PDE10A: variants seen among roughly 807,000 people sequenced by gnomAD.
The protein encoded by PDE10A is phosphodiesterase 10A.
In PDE10A, 39 loss-of-function variants were observed where a neutral mutation model predicts 97.7. The ratio of observed to expected loss-of-function variants is 0.40; its 90% CI spans 0.31 to 0.52. The LOEUF is 0.52. Among genes scored for constraint, PDE10A ranks in the 20% least tolerant of loss-of-function variants. The pLI is 0.56. For synonymous variants in PDE10A, 371 were observed against 376.8 expected, an observed-to-expected ratio of 0.98 and a Z score of 0.18; for missense variants, 731 against 1,047.8, an observed-to-expected ratio of 0.70 and a Z score of 4.17.
chr6:165,497,198 GT>G (rs1780590368), intron 2 of PDE10A, among the ~76,000 whole-genome samples: 1 of 152,054 alleles, frequency 6.6e-6, no homozygotes. Flanking sequence ...ATAACTTGTT[GT>G]AATCACATTT....
intron 1 of PDE10A, chr6:165,659,949 C>G (rs1430950922): frequency 6.6e-6 from 1 of 152,534 alleles, no homozygotes; most frequent in Non-Finnish European, 1.5e-5. Flanking sequence ...ATTTCAGGAC[C>G]GCGGGCTTTT....
intron 1 of PDE10A, among the ~76,000 whole-genome samples, chr6:165,847,375 T>C (rs1050733177): frequency 1.3e-5 from 2 of 152,204 alleles, no homozygotes; most frequent in African/African-American, 4.8e-5. Context: ...GGCTTCTGAT[T>C]TATTAGCTAC....
chr6:165,549,535 G>A (rs571920527), intron 1 of PDE10A, among the ~76,000 whole-genome samples: 3 of 152,032 alleles, frequency 2.0e-5, no homozygotes, highest in Non-Finnish European at 4.4e-5. Context: ...CGTCTTAGCC[G>A]GGATGGTCTC....
At chr6:165,676,981 G>A (rs1479631060) in intron 1 of PDE10A, among the ~76,000 whole-genome samples, 3 of 152,178 alleles carry the variant, frequency 2.0e-5, no homozygotes, top group Admixed American at 6.5e-5. Context: ...TTCTGATAAC[G>A]ACTTTCCAAG....
At chr6:165,525,835 T>C (rs1416824860) in intron 2 of PDE10A, among the ~76,000 whole-genome samples, 3 of 150,710 alleles carry the variant, frequency 2.0e-5, no homozygotes, top group East Asian at 2.0e-4. Context: ...AGCTCTGGCA[T>C]TGGCTAACTA....
chr6:165,770,560 C>CCCCAG (rs1777976877), intron 1 of PDE10A, among the ~76,000 whole-genome samples: 1 of 152,176 alleles, frequency 6.6e-6, no homozygotes, highest in African/African-American at 2.4e-5. Flanking sequence ...TGACATTCCA[C>CCCCAG]CCCAGAAGCA....
At chr6:165,467,046 G>A (rs1361625048) in intron 3 of PDE10A, among the ~76,000 whole-genome samples, 2 of 152,178 alleles carry the variant, frequency 1.3e-5, no homozygotes, top group African/African-American at 2.4e-5. Context: ...TGTCTGGATA[G>A]AAGATCAAAC....
At chr6:165,779,001 A>G (rs529912184) in intron 1 of PDE10A, among the ~76,000 whole-genome samples, 1 of 152,330 alleles carries the variant, frequency 6.6e-6, no homozygotes, top group East Asian at 1.9e-4. Context: ...CTATTATTTA[A>G]TGAGCAGAAG....
At chr6:165,664,323 C>G (rs1008028196), upstream of PDE10A, among the ~76,000 whole-genome samples, 6 of 152,150 alleles carry the variant, frequency 3.9e-5, no homozygotes, top group African/African-American at 1.4e-4. Flanking sequence ...AGATTCCTCA[C>G]TAGTCGATGC....
chr6:165,750,983 C>T (rs1028841177), intron 1 of PDE10A, among the ~76,000 whole-genome samples: 1 of 152,158 alleles, frequency 6.6e-6, no homozygotes, highest in Non-Finnish European at 1.5e-5. Context: ...AAATATGACC[C>T]CTAGTGTGCC....
chr6:165,639,461 G>C (rs35987229), intron 1 of PDE10A, among the ~76,000 whole-genome samples: 49,641 of 151,974 alleles, frequency 0.33, 9,173 homozygotes, highest in East Asian at 0.65. Flanking sequence ...GAGAGGGCAG[G>C]ATGCAGTGGC....
chr6:165,479,709 G>A (rs562370411), intron 3 of PDE10A, among the ~76,000 whole-genome samples: 18 of 152,192 alleles, frequency 1.2e-4, no homozygotes, highest in South Asian at 8.3e-4. Flanking sequence ...GAATACTGTC[G>A]ATTTTGCTCA....
chr6:165,707,305 G>A (rs1189911141), intron 1 of PDE10A, among the ~76,000 whole-genome samples: 3 of 152,158 alleles, frequency 2.0e-5, no homozygotes, highest in Admixed American at 6.5e-5. Flanking sequence ...TCAGAACCAC[G>A]GGCTGAGCCT....
chr6:165,509,375 G>A (rs988163938), intron 2 of PDE10A, among the ~76,000 whole-genome samples: 3 of 151,886 alleles, frequency 2.0e-5, no homozygotes, highest in Non-Finnish European at 2.9e-5. Context: ...AACCTGTGTC[G>A]AAAATCAGTT....
chr6:165,643,305 A>G (rs2983520), intron 1 of PDE10A, among the ~76,000 whole-genome samples: 100,074 of 151,696 alleles, frequency 0.66, 33,880 homozygotes, highest in Middle Eastern at 0.8. Flanking sequence ...ATGGGTGTAC[A>G]GATGTATGGA....
intron 1 of PDE10A, among the ~76,000 whole-genome samples, chr6:165,864,624 G>T (rs977066885): frequency 6.6e-6 from 1 of 152,190 alleles, no homozygotes; most frequent in Non-Finnish European, 1.5e-5. Flanking sequence ...TAGTGGGAGT[G>T]AACCCCTCTT....
chr6:165,975,746 G>A (rs1351912419), intron 1 of PDE10A, among the ~76,000 whole-genome samples: 2 of 152,190 alleles, frequency 1.3e-5, no homozygotes, highest in South Asian at 2.1e-4. Flanking sequence ...TTAGCTTAGT[G>A]GATACTTGGC....
intron 1 of PDE10A, among the ~76,000 whole-genome samples, chr6:165,575,546 C>A (rs1164937814): frequency 2.0e-5 from 3 of 152,114 alleles, no homozygotes; most frequent in African/African-American, 4.8e-5. Flanking sequence ...TGTCTCATGT[C>A]TTCAAACTCT....
At chr6:165,377,876 T>G (rs1222504884) in intron 18 of PDE10A, among the ~76,000 whole-genome samples, 1 of 152,182 alleles carries the variant, frequency 6.6e-6, no homozygotes, top group East Asian at 1.9e-4. Flanking sequence ...CCCTAATTGA[T>G]GTTTAGGGGC....
Sources: allele counts gnomAD v4.1 joint callset (sites outside exome capture counted in the v4.1 genomes callset), GRCh38; gene constraint gnomAD v4.1.1; transcripts MANE v1.5; gene names NCBI Gene and HGNC (gene_info 2026-07-23, HGNC 2026-07-21).